The following TTLL7 variants were observed in gnomAD, a reference collection of about 807,000 sequenced individuals.
TTLL7 encodes the protein tubulin polyglutamylase TTLL7.
A neutral mutation model predicts 120.2 loss-of-function variants in TTLL7; 53 were observed. The ratio of observed to expected loss-of-function variants is 0.44; its 90% CI spans 0.35 to 0.55. The LOEUF is 0.55. Ranked by LOEUF, TTLL7 falls within the 20% of genes least tolerant of loss-of-function variation. The pLI is 0.00. For missense variants in TTLL7, 803 were observed against 1,054.7 expected (o/e 0.76, Z 3.31); for synonymous variants, 353 against 351.7 (o/e 1.00, Z -0.04).
chr1:83,972,964 A>G (rs1161702379), intron 1 of TTLL7, among the ~76,000 whole-genome samples: 2 of 151,858 alleles, frequency 1.3e-5, no homozygotes, highest in Non-Finnish European at 2.9e-5. Flanking sequence ...TATATTCTGG[A>G]TAATAGTCCT....
At chr1:83,947,346 G>A (rs1228868681) in intron 5 of TTLL7, 64 bp from the exon 6 acceptor site, 25 of 1,410,844 alleles carry the variant, frequency 1.8e-5, no homozygotes, top group Admixed American at 9.7e-5. Context: ...TTCTTTCTCT[G>A]GGCTACTGAT....
chr1:83,908,074 G>A (rs1657356385), intron 15 of TTLL7, among the ~76,000 whole-genome samples: 1 of 152,102 alleles, frequency 6.6e-6, no homozygotes, highest in Non-Finnish European at 1.5e-5. Context: ...GAGGCTTAGA[G>A]AAAGAACTTT....
At chr1:83,928,069 T>C (rs1011013105) in intron 10 of TTLL7, among the ~76,000 whole-genome samples, 3 of 152,208 alleles carry the variant, frequency 2.0e-5, no homozygotes, top group African/African-American at 7.2e-5. Context: ...AAACTATACA[T>C]ACCTCACTTT....
Position 83,919,692 on chromosome 1 carries a change from C to T in TTLL7, c.1500+7G>A, listed in dbSNP as rs1316473308. 7 of 1,607,854 alleles carry T rather than the reference C, an allele frequency of 4.4e-6. No homozygotes were observed. The highest frequency in any genetic ancestry group is 5.9e-6 in the Non-Finnish European group (7 of 1,177,572). The stretch of plus-strand genomic sequence containing the variant: ...TTTTTTCTCTATATAAACATTCATT[C>T]TCTTACCTTCATCCTTTTCAAAGGA... On this transcript the variant is annotated splice_region_variant and intron_variant, in intron 13 of 20. Coordinates refer to ENST00000260505, the MANE Select transcript of TTLL7 (RefSeq NM_024686.6).
At chr1:83,888,737 T>C (rs1399223171) in intron 19 of TTLL7, among the ~76,000 whole-genome samples, 1 of 151,486 alleles carries the variant, frequency 6.6e-6, no homozygotes, top group Non-Finnish European at 1.5e-5. Flanking sequence ...ACAATTCAAG[T>C]AGGAGAGTAA....
intron 20 of TTLL7, among the ~76,000 whole-genome samples, chr1:83,878,415 T>C (rs1372786396): frequency 6.6e-6 from 1 of 151,956 alleles, no homozygotes; most frequent in African/African-American, 2.4e-5. Context: ...TTTGTTTCTG[T>C]CAACTTTTGC....
Position 83,976,966 on chromosome 1 carries a change from T to C in TTLL7, c.-177+21965A>G, listed in dbSNP as rs6696090. 7.2e-3 allele frequency among the ~76,000 whole-genome samples: 1,096 copies of C among 152,162 alleles called. 20 individuals carry two copies. Among genetic ancestry groups the C allele is most frequent in the African/African-American group, 0.025 (1,049 of 41,546 alleles). ...TCCATCAAACCCTTTTTATTACCTATGTTCGTCTATATTAAGCCATTTTAT... is the reference window on the plus strand; with the variant it reads ...TCCATCAAACCCTTTTTATTACCTACGTTCGTCTATATTAAGCCATTTTAT... On this transcript the variant is annotated intron_variant, in intron 1 of 20. Transcript: ENST00000260505.
chr1:83,909,268 C>CTTT (rs1657480480), intron 15 of TTLL7, among the ~76,000 whole-genome samples: 1 of 50,788 alleles, frequency 2.0e-5, no homozygotes. Context: ...TTTTTTTTTT[C>CTTT]CTTTTTTTTT....
intron 10 of TTLL7, among the ~76,000 whole-genome samples, chr1:83,923,168 G>A (rs892576386): frequency 6.6e-6 from 1 of 150,520 alleles, no homozygotes; most frequent in African/African-American, 2.5e-5. Flanking sequence ...ATTATATCTA[G>A]AGCAATCATT....
intron 18 of TTLL7, among the ~76,000 whole-genome samples, chr1:83,891,988 C>T (rs746522436): frequency 6.6e-6 from 1 of 151,452 alleles, no homozygotes; most frequent in African/African-American, 2.4e-5. Context: ...CCACCATGCC[C>T]GGCTAATTTT....
At chr1:83,921,490 C>G in intron 10 of TTLL7, 96 bp from the exon 11 acceptor site, 1 of 1,335,426 alleles carries the variant, frequency 7.5e-7, no homozygotes. Flanking sequence ...CATAGTGAAG[C>G]TCAGAATCAA....
At chr1:83,904,038 A>G (rs55911027) in intron 18 of TTLL7, 41 bp downstream of exon 18, 2 of 1,496,698 alleles carry the variant, frequency 1.3e-6, no homozygotes, top group African/African-American at 2.8e-5. Flanking sequence ...AGCTTAATAC[A>G]TAATCCAAGA....
chr1:83,985,147 G>A (rs1193494744), intron 1 of TTLL7, among the ~76,000 whole-genome samples: 1 of 152,146 alleles, frequency 6.6e-6, no homozygotes, highest in Non-Finnish European at 1.5e-5. Context: ...GACAGAAGCT[G>A]GTAGTGGCTC....
intron 14 of TTLL7, among the ~76,000 whole-genome samples, chr1:83,916,400 C>G (rs192172158): frequency 1.2e-3 from 182 of 150,658 alleles, no homozygotes; most frequent in African/African-American, 4.2e-3. Flanking sequence ...GACAAAAAAC[C>G]AAACACCGCA....
At chr1:83,948,996 G>C (rs1648771513) in intron 4 of TTLL7, 2 of 213,572 alleles carry the variant, frequency 9.4e-6, no homozygotes, top group African/African-American at 4.6e-5. Flanking sequence ...TGTTATTCTA[G>C]ATTCACTATA....
At chr1:83,931,079 A>G (rs1188411452) in intron 9 of TTLL7, among the ~76,000 whole-genome samples, 2 of 150,388 alleles carry the variant, frequency 1.3e-5, no homozygotes, top group East Asian at 4.1e-4. Context: ...GACAGAAGAA[A>G]CTAAAAATTA....
At chr1:83,909,870 G>A (rs2100768997) in intron 15 of TTLL7, among the ~76,000 whole-genome samples, 1 of 152,052 alleles carries the variant, frequency 6.6e-6, no homozygotes, top group East Asian at 1.9e-4. Flanking sequence ...CCAAATTTGG[G>A]CATAAAAACC....
At chr1:83,941,846 C>A (rs1648004125) in intron 7 of TTLL7, among the ~76,000 whole-genome samples, 2 of 152,210 alleles carry the variant, frequency 1.3e-5, no homozygotes, top group Non-Finnish European at 2.9e-5. Flanking sequence ...CATATCTACA[C>A]AAAGCTCCAT....
In TTLL7 at chr1:83,967,141, C is replaced by T. The variant is rs577650858; in HGVS notation, c.-176-14754G>A. On this transcript the variant is annotated intron_variant, in intron 1 of 20. Coordinates refer to ENST00000260505, the MANE Select transcript of TTLL7 (RefSeq NM_024686.6). ...AATGGTACTTACTACTAAGAAAGCA[C>T]TGTTGCATAGTTGAATTTGAAGAGG... 3.5e-4 allele frequency among the ~76,000 whole-genome samples: 53 copies of T among 152,184 alleles called. No individual in the cohort carries two copies. In the South Asian group the frequency reaches 0.011, roughly 32 times the overall value.
Sources: allele counts gnomAD v4.1 joint callset (sites outside exome capture counted in the v4.1 genomes callset), GRCh38; gene constraint gnomAD v4.1.1; transcripts MANE v1.5; gene names NCBI Gene and HGNC (gene_info 2026-07-23, HGNC 2026-07-21).